CEP83: variants seen among roughly 807,000 people sequenced by gnomAD.
CEP83 encodes the protein centrosomal protein of 83 kDa.
CEP83 carries 70 observed loss-of-function variants against 101.9 expected under a neutral mutation model. That is an observed-to-expected ratio of 0.69 (90% CI 0.57 to 0.84). The LOEUF (loss-of-function observed/expected upper bound fraction) is 0.84, where lower values mean the gene tolerates loss of function less well. Among genes scored for constraint, CEP83 ranks in the 40% least tolerant of loss-of-function variants. The pLI is 0.00. For missense variants in CEP83, 715 were observed against 787.2 expected (o/e 0.91, Z 1.10); for synonymous variants, 264 against 267.9 (o/e 0.99, Z 0.14).
At chr12:94,368,360 TTAAAATAAGAATG>T in intron 9 of CEP83, 159 bp from the exon 10 acceptor site, 1 of 587,424 alleles carries the variant, frequency 1.7e-6, no homozygotes. Flanking sequence ...ATAAACACTC[TTAAAATAAGAATG>T]AAACAGGCTA....
In CEP83 at chr12:94,307,762, G is replaced by GTGTC. The variant is rs2136256536; in HGVS notation, c.*1047_*1050dup. The stretch of plus-strand genomic sequence containing the variant: ...GTGGAAATTATTTTTCAGAGATAAG[G>GTGTC]TGTCACTGTATATGCTGTGAATAAG... On this transcript the variant is annotated 3_prime_UTR_variant, in exon 17 of 17. Coordinates refer to ENST00000397809, the MANE Select transcript of CEP83 (RefSeq NM_016122.3). 1 of 151,544 alleles carries GTGTC rather than the reference G, an allele frequency of 6.6e-6. No homozygotes were observed. Among genetic ancestry groups the GTGTC allele is most frequent in the African/African-American group, 2.4e-5 (1 of 41,234 alleles). The allele number at this position is 151,544 out of a possible 1,614,324, so 9.4% of individuals were successfully genotyped here.
At chr12:94,342,964 A>G (rs1366869266) in intron 11 of CEP83, among the ~76,000 whole-genome samples, 1 of 152,108 alleles carries the variant, frequency 6.6e-6, no homozygotes, top group Non-Finnish European at 1.5e-5. Context: ...AGGAGACTTT[A>G]ATATATCATT....
At chr12:94,350,042 A>T (rs73214103) in intron 11 of CEP83, among the ~76,000 whole-genome samples, 9,407 of 152,248 alleles carry the variant, frequency 0.062, 350 homozygotes, top group Admixed American at 0.09. Flanking sequence ...AAATTGAAAG[A>T]TTCAATATTG....
chr12:94,450,364 G>C (rs140276234), intron 1 of CEP83, among the ~76,000 whole-genome samples: 8,703 of 152,166 alleles, frequency 0.057, 277 homozygotes, highest in Non-Finnish European at 0.071. Context: ...CCATTCTCCT[G>C]CCTCAGCCTC....
At chr12:94,344,921 CTA>C (rs1338647492) in intron 11 of CEP83, among the ~76,000 whole-genome samples, 3 of 152,082 alleles carry the variant, frequency 2.0e-5, no homozygotes, top group African/African-American at 7.2e-5. Context: ...ACCAAACTTA[CTA>C]TAAAGCTACA....
chr12:94,446,565 G>A (rs560547323), intron 1 of CEP83, among the ~76,000 whole-genome samples: 19 of 152,090 alleles, frequency 1.2e-4, no homozygotes, highest in South Asian at 6.2e-4. Flanking sequence ...AAAATTAGCC[G>A]GGTGTGGTGG....
At chr12:94,387,234 G>A (rs933710490) in intron 6 of CEP83, among the ~76,000 whole-genome samples, 2 of 152,146 alleles carry the variant, frequency 1.3e-5, no homozygotes, top group Admixed American at 1.3e-4. Flanking sequence ...TCCATGGCCT[G>A]TCAGGAATGG....
chr12:94,333,425 A>C, intron 13 of CEP83, 57 bp downstream of exon 13: 1 of 1,434,062 alleles, frequency 7.0e-7, no homozygotes, highest in Non-Finnish European at 9.6e-7. Flanking sequence ...TACTAAAATA[A>C]GTACATGTTA....
At chr12:94,330,828 G>A (rs971170959) in intron 14 of CEP83, among the ~76,000 whole-genome samples, 2 of 152,156 alleles carry the variant, frequency 1.3e-5, no homozygotes, top group African/African-American at 2.4e-5. Flanking sequence ...AAAAATGCAT[G>A]TCAGCTCAAA....
Position 94,425,177 on chromosome 12 carries a change from T to C in CEP83, c.-102+10098A>G, listed in dbSNP as rs550352971. On this transcript the variant is annotated intron_variant, in intron 2 of 16. Transcript: ENST00000397809. ...TCTGGTTCAACTTTTATGTAATAAATTGTGAGTTATTTTTCAGCTGCCATG... is the reference window on the plus strand; with the variant it reads ...TCTGGTTCAACTTTTATGTAATAAACTGTGAGTTATTTTTCAGCTGCCATG... Among the ~76,000 whole-genome samples the C allele has an allele frequency of 3.9e-5, 6 of 152,048 alleles. No homozygotes were observed. The South Asian group carries it at 1.3e-3, about 32-fold the overall frequency.
chr12:94,304,296 C>T (rs889416258), downstream of CEP83: 2 of 370,126 alleles, frequency 5.4e-6, no homozygotes, highest in East Asian at 4.3e-5. Context: ...ATGGGGCCTA[C>T]AGCCACCCTG....
At chr12:94,442,521 ATT>A (rs60529674) in intron 1 of CEP83, among the ~76,000 whole-genome samples, 7 of 150,370 alleles carry the variant, frequency 4.7e-5, no homozygotes, top group African/African-American at 1.5e-4. Flanking sequence ...TGAAATAATG[ATT>A]TTTTTTTTAG....
chr12:94,416,563 C>T (rs906096773), intron 2 of CEP83, among the ~76,000 whole-genome samples: 2 of 109,104 alleles, frequency 1.8e-5, no homozygotes, highest in South Asian at 3.0e-4. Flanking sequence ...CACACACACA[C>T]ACACACACAC....
intron 1 of CEP83, among the ~76,000 whole-genome samples, chr12:94,453,592 G>A (rs986379601): frequency 3.9e-5 from 6 of 152,138 alleles, no homozygotes; most frequent in African/African-American, 1.4e-4. Context: ...TCTCCCCAGT[G>A]CCTAGCATAG....
At chr12:94,354,504 A>T (rs2060351812) in intron 11 of CEP83, among the ~76,000 whole-genome samples, 1 of 152,042 alleles carries the variant, frequency 6.6e-6, no homozygotes, top group African/African-American at 2.4e-5. Context: ...CACTCTTTTT[A>T]TCAGAACATG....
chr12:94,277,967 G>T, the CEP83 span: 19 of 456,034 alleles, frequency 4.2e-5, no homozygotes, highest in East Asian at 2.1e-4. Flanking sequence ...CTGAGCCCTA[G>T]GCAAATCAGA....
intron 14 of CEP83, among the ~76,000 whole-genome samples, chr12:94,323,590 G>A (rs2058841641): frequency 1.3e-5 from 2 of 152,172 alleles, no homozygotes; most frequent in African/African-American, 2.4e-5. Context: ...TGAAGGTGCT[G>A]TATTTACTTA....
intron 8 of CEP83, among the ~76,000 whole-genome samples, chr12:94,372,797 G>A (rs2061362660): frequency 6.6e-6 from 1 of 152,076 alleles, no homozygotes; most frequent in African/African-American, 2.4e-5. Flanking sequence ...TTAAACCAGT[G>A]GTATATGCTC....
the CEP83 span, among the ~76,000 whole-genome samples, chr12:94,292,168 A>G: frequency 2.2e-4 from 33 of 152,336 alleles, no homozygotes; most frequent in African/African-American, 6.3e-4. Context: ...CACAGACCTT[A>G]TACTGACCCT....
Sources: allele counts gnomAD v4.1 joint callset (sites outside exome capture counted in the v4.1 genomes callset), GRCh38; gene constraint gnomAD v4.1.1; transcripts MANE v1.5; gene names NCBI Gene and HGNC (gene_info 2026-07-23, HGNC 2026-07-21).